DIP2C: variants seen among roughly 807,000 people sequenced by gnomAD.
DIP2C encodes the protein disco-interacting protein 2 homolog C.
A neutral mutation model predicts 192.4 loss-of-function variants in DIP2C; 33 were observed. That is an observed-to-expected ratio of 0.17 (90% CI 0.13 to 0.23). The LOEUF is 0.23. DIP2C is among the 10% of genes least tolerant of loss of function. DIP2C has a pLI of 1.00. For synonymous variants in DIP2C, 979 were observed against 864.1 expected (o/e 1.13, Z -2.33); for missense variants, 1,537 against 2,110.1 (o/e 0.73, Z 5.32).
intron 29 of DIP2C, chr10:340,712 C>T (rs1435942773): frequency 1.1e-5 from 5 of 455,958 alleles, no homozygotes; most frequent in South Asian, 7.8e-5. Flanking sequence ...TGCTGTAAGC[C>T]AGGCTCCGAG....
chr10:608,183 C>CCA (rs1244344666), intron 1 of DIP2C, among the ~76,000 whole-genome samples: 1 of 56,196 alleles, frequency 1.8e-5, no homozygotes, highest in Non-Finnish European at 2.8e-5. Flanking sequence ...CACACACACC[C>CCA]CACACACACA....
chr10:579,517 A>C (rs1003382178), intron 1 of DIP2C, among the ~76,000 whole-genome samples: 2 of 152,048 alleles, frequency 1.3e-5, no homozygotes, highest in Admixed American at 1.3e-4. Context: ...GTACATGCAG[A>C]GAGCATACAC....
At chr10:382,070 G>A (rs569195014) in intron 17 of DIP2C, among the ~76,000 whole-genome samples, 2 of 152,310 alleles carry the variant, frequency 1.3e-5, no homozygotes, top group East Asian at 1.9e-4. Context: ...AAGTGTGTGC[G>A]TATCACACAG....
At chr10:504,964 T>C (rs1432393150) in intron 1 of DIP2C, among the ~76,000 whole-genome samples, 2 of 152,184 alleles carry the variant, frequency 1.3e-5, no homozygotes, top group Non-Finnish European at 1.5e-5. Context: ...TGACTCTCAG[T>C]GCTAGGTTCG....
Position 487,735 on chromosome 10 carries a change from G to A in DIP2C, c.86-1205C>T, listed in dbSNP as rs192213543. 3.1e-4 allele frequency among the ~76,000 whole-genome samples: 47 copies of A among 151,846 alleles called. 1 individual carries two copies. Among genetic ancestry groups the A allele is most frequent in the African/African-American group, 1.1e-3 (44 of 41,376 alleles). ...TGAGACTACAGGCGCTGGCCACCAC[G>A]CCCGGCTAATTTTTTGTATTTTTAG... is the stretch of plus-strand genomic sequence containing the variant. On this transcript the variant is annotated intron_variant, in intron 1 of 36. Transcript: ENST00000280886.
At chr10:290,059 C>T (rs765129360) in intron 32 of DIP2C, among the ~76,000 whole-genome samples, 4 of 152,232 alleles carry the variant, frequency 2.6e-5, no homozygotes, top group Admixed American at 6.5e-5. Context: ...GGAAGGCCAG[C>T]AGCACTTTCT....
At chr10:336,305 A>T (rs903327119) in intron 29 of DIP2C, among the ~76,000 whole-genome samples, 1 of 150,438 alleles carries the variant, frequency 6.6e-6, no homozygotes, top group Non-Finnish European at 1.5e-5. Flanking sequence ...CCTGTAACGA[A>T]GCTGAAAAAT....
At chr10:515,981 ATGTC>A (rs1700393328) in intron 1 of DIP2C, among the ~76,000 whole-genome samples, 2 of 151,818 alleles carry the variant, frequency 1.3e-5, no homozygotes, top group African/African-American at 4.8e-5. Flanking sequence ...CACTAAGAAT[ATGTC>A]TGTGCTCAAA....
intron 10 of DIP2C, among the ~76,000 whole-genome samples, chr10:391,968 C>A (rs905520996): frequency 2.0e-5 from 3 of 152,174 alleles, no homozygotes; most frequent in Admixed American, 1.3e-4. Flanking sequence ...GAAAACGCCT[C>A]TCTGTGGAAT....
intron 1 of DIP2C, among the ~76,000 whole-genome samples, chr10:513,942 C>T (rs1440310411): frequency 1.3e-5 from 2 of 152,184 alleles, no homozygotes; most frequent in African/African-American, 4.8e-5. Context: ...TGTATAGATC[C>T]AAAAAGCAGA....
chr10:616,754 C>T (rs535075421), intron 1 of DIP2C, among the ~76,000 whole-genome samples: 4 of 152,326 alleles, frequency 2.6e-5, no homozygotes, highest in Admixed American at 6.5e-5. Context: ...CCAGGCCAGG[C>T]AAGCATAGAG....
At chr10:471,745 C>T (rs1970648983) in intron 3 of DIP2C, among the ~76,000 whole-genome samples, 2 of 152,124 alleles carry the variant, frequency 1.3e-5, no homozygotes, top group African/African-American at 2.4e-5. Context: ...TTAATCACAG[C>T]CTGAGTTTTT....
intron 1 of DIP2C, among the ~76,000 whole-genome samples, chr10:580,592 A>G (rs1258989529): frequency 1.3e-5 from 2 of 152,242 alleles, no homozygotes; most frequent in Non-Finnish European, 2.9e-5. Context: ...ACATACCTAT[A>G]CATTGTAAAT....
chr10:519,614 A>G (rs886809470), intron 1 of DIP2C, among the ~76,000 whole-genome samples: 2 of 152,334 alleles, frequency 1.3e-5, no homozygotes, highest in Middle Eastern at 6.8e-3. Flanking sequence ...CAGTGGGTGC[A>G]GCCTTGCCAA....
intron 1 of DIP2C, among the ~76,000 whole-genome samples, chr10:494,880 TG>T (rs1206041082): frequency 6.6e-6 from 1 of 152,218 alleles, no homozygotes; most frequent in Non-Finnish European, 1.5e-5. Context: ...ATCCCATGTC[TG>T]GGTAAATATC....
rs1172978526 is a variant in DIP2C, at chr10:600,463, C to CA, written c.85+89030dup. Among the ~76,000 whole-genome samples, 1,073 of 146,136 alleles carry CA rather than the reference C, an allele frequency of 7.3e-3. 37 individuals are homozygous for CA. The highest frequency in any genetic ancestry group is 0.027 in the African/African-American group (1,026 of 37,582). On this transcript the variant is annotated intron_variant, in intron 1 of 36. Transcript: ENST00000280886. Reference sequence around the variant, plus strand: ...GTGCAGATGCTCCGGAGCCACCCGACAGCCCTTTCCACCTTAAAGACGACG... The same window carrying CA: ...GTGCAGATGCTCCGGAGCCACCCGACAAGCCCTTTCCACCTTAAAGACGACG...
chr10:564,157 C>T (rs571734372), intron 1 of DIP2C, among the ~76,000 whole-genome samples: 82 of 152,292 alleles, frequency 5.4e-4, no homozygotes, highest in African/African-American at 1.9e-3. Context: ...TATAAAGTGT[C>T]TGAGTCCATG....
chr10:585,130 A>G (rs1850937376), intron 1 of DIP2C, among the ~76,000 whole-genome samples: 1 of 152,246 alleles, frequency 6.6e-6, no homozygotes, highest in Non-Finnish European at 1.5e-5. Context: ...ATGGTAAGGA[A>G]CAAGGGTACT....
intron 1 of DIP2C, among the ~76,000 whole-genome samples, chr10:546,530 C>T (rs1848296124): frequency 6.6e-6 from 1 of 152,182 alleles, no homozygotes; most frequent in African/African-American, 2.4e-5. Context: ...ATGCTATATA[C>T]AGTTAGGAAG....
Sources: gnomAD v4.1 joint callset for allele counts (sites outside exome capture counted in the v4.1 genomes callset) on GRCh38, gnomAD v4.1.1 for gene constraint, MANE v1.5 for transcripts, NCBI Gene and HGNC (gene_info 2026-07-23, HGNC 2026-07-21) for gene names.